Variants in RAP1A observed in about 807,000 individuals in gnomAD.
The protein encoded by RAP1A is RAP1A, member of RAS oncogene family.
Under a neutral mutation model 26.4 loss-of-function variants are expected in RAP1A, and 6 were observed. The ratio of observed to expected loss-of-function variants is 0.23; its 90% CI spans 0.12 to 0.45. RAP1A has a LOEUF of 0.45. RAP1A is among the 20% of genes least tolerant of loss of function. RAP1A has a pLI of 0.99. For missense variants in RAP1A, 121 were observed against 217.2 expected (o/e 0.56, Z 2.78); for synonymous variants, 73 against 79.4 (o/e 0.92, Z 0.43).
intron 1 of RAP1A, among the ~76,000 whole-genome samples, chr1:111,543,600 AAGGAGGAGGAGGAAGAGAAGGAGGAAT>A (rs1557843225): frequency 7.0e-6 from 1 of 142,388 alleles, no homozygotes; most frequent in Non-Finnish European, 1.5e-5. Context: ...CCTCTGTCTT[AAGGAGGAGGAGGAAGAGAAGGAGGAAT>A]AGGAGGAGGA....
rs150670953 is a variant in RAP1A at position 111,697,214 on chromosome 1, A to G, written c.127-227A>G. 1.2e-3 allele frequency among the ~76,000 whole-genome samples: 183 copies of G among 152,312 alleles called. 1 individual carries two copies. The highest frequency in any genetic ancestry group is 4.3e-3 in the African/African-American group (179 of 41,580). The stretch of plus-strand genomic sequence containing the variant: ...ATAAGAATCGTTACAGAGGTCAGAA[A>G]ATATCTAAACTCAGCATTAACCATC... On this transcript the variant is annotated intron_variant, in intron 3 of 7. Transcript: ENST00000369709.
At chr1:111,564,711 A>G (rs1358010612) in intron 1 of RAP1A, among the ~76,000 whole-genome samples, 2 of 151,234 alleles carry the variant, frequency 1.3e-5, no homozygotes, top group African/African-American at 4.9e-5. Context: ...ATGGGGTTTC[A>G]CCGAGTCAGC....
intron 1 of RAP1A, among the ~76,000 whole-genome samples, chr1:111,687,399 G>A (rs544912429): frequency 2.0e-5 from 3 of 151,994 alleles, no homozygotes; most frequent in South Asian, 4.2e-4. Context: ...GTAGAGATGG[G>A]ATTTTGCCAT....
chr1:111,630,693 T>C (rs1207448535), intron 1 of RAP1A, among the ~76,000 whole-genome samples: 1 of 151,994 alleles, frequency 6.6e-6, no homozygotes, highest in Non-Finnish European at 1.5e-5. Context: ...ATAAGAAGAA[T>C]GAACCAGGCA....
rs1243151126 is a variant in RAP1A at position 111,649,124 on chromosome 1, CAG to C, written c.-28+29192_-28+29193del. 1.4e-5 allele frequency: 8 copies of C among 586,962 alleles called. No individual in the cohort carries two copies. In the African/African-American group the frequency reaches 1.5e-4, roughly 11 times the overall value. 36.4% of individuals were successfully genotyped at this position (586,962 alleles called of 1,614,324 possible). On this transcript the variant is annotated intron_variant, in intron 1 of 7. Transcript: ENST00000369709. ...TAGCAAGATGGGCATTGTCAATCTG[CAG>C]AACGATGTGGGCATTGTCCACAGTA...
intron 1 of RAP1A, among the ~76,000 whole-genome samples, chr1:111,677,505 G>T (rs1341830645): frequency 6.6e-6 from 1 of 152,164 alleles, no homozygotes; most frequent in African/African-American, 2.4e-5. Flanking sequence ...CTTGGTTGGA[G>T]GGTTCTAGCT....
At chr1:111,542,085 C>CTT (rs35807618), upstream of RAP1A, 1,204 of 167,540 alleles carry the variant, frequency 7.2e-3, 16 homozygotes, top group African/African-American at 0.028. Flanking sequence ...TGCAAAGAAG[C>CTT]TTTTTTTTTT....
At chr1:111,643,290 G>C (rs1659951600) in intron 1 of RAP1A, among the ~76,000 whole-genome samples, 1 of 152,196 alleles carries the variant, frequency 6.6e-6, no homozygotes, top group South Asian at 2.1e-4. Context: ...CAGTGGCCCA[G>C]ATTTGGCCTG....
intron 1 of RAP1A, among the ~76,000 whole-genome samples, chr1:111,637,460 A>G (rs76755653): frequency 0.054 from 8,242 of 152,282 alleles, 256 homozygotes; most frequent in South Asian, 0.087. Flanking sequence ...TTTATGCACT[A>G]AAAGAATAAG....
chr1:111,549,603 T>C (rs1295135053), intron 1 of RAP1A, among the ~76,000 whole-genome samples: 1 of 150,172 alleles, frequency 6.7e-6, no homozygotes, highest in African/African-American at 2.5e-5. Flanking sequence ...TGAGCCGATA[T>C]CATGCCACTG....
chr1:111,564,512 CT>C lies in RAP1A; in HGVS notation c.-28+22021del, dbSNP rs577908974. Among the ~76,000 whole-genome samples, 1,521 of 119,878 alleles carry C rather than the reference CT, an allele frequency of 0.013. 72 individuals are homozygous for C. In the East Asian group the frequency reaches 0.2, roughly 16 times the overall value. 78.6% of individuals were successfully genotyped at this position (119,878 alleles called of 152,430 possible). A position where few individuals can be genotyped will look rare whatever the true frequency, so the allele number is the denominator to read the frequency against. On this transcript the variant is annotated intron_variant, in intron 1 of 7. Coordinates refer to the RAP1A transcript ENST00000356415. ...TGGGCAACAGAGTGAGACCCCAACT[CT>C]TTTTTTTTTTTTTTTTTGAGACGGA...
intron 6 of RAP1A, among the ~76,000 whole-genome samples, chr1:111,707,581 G>A (rs1265745930): frequency 1.3e-5 from 2 of 152,142 alleles, no homozygotes; most frequent in Admixed American, 6.5e-5. Context: ...TCTGTGTTTG[G>A]TATATATTCA....
At chr1:111,674,789 A>G (rs1442787979) in intron 1 of RAP1A, among the ~76,000 whole-genome samples, 1 of 152,068 alleles carries the variant, frequency 6.6e-6, no homozygotes, top group Non-Finnish European at 1.5e-5. Flanking sequence ...ATCCTCAGAA[A>G]AGCATTGCCC....
At chr1:111,705,720 G>A (rs568986307) in intron 6 of RAP1A, among the ~76,000 whole-genome samples, 1 of 152,266 alleles carries the variant, frequency 6.6e-6, no homozygotes, top group East Asian at 1.9e-4. Context: ...TCCTACTGGG[G>A]GAACAAGTCT....
At chr1:111,561,993 A>G (rs1255578879) in intron 1 of RAP1A, among the ~76,000 whole-genome samples, 2 of 152,156 alleles carry the variant, frequency 1.3e-5, no homozygotes, top group Non-Finnish European at 2.9e-5. Flanking sequence ...TGCTTACGAT[A>G]GAATTCAAAC....
intron 1 of RAP1A, among the ~76,000 whole-genome samples, chr1:111,582,550 A>T (rs1217356069): frequency 6.6e-6 from 1 of 152,144 alleles, no homozygotes; most frequent in South Asian, 2.1e-4. Flanking sequence ...CTTGACTGAG[A>T]CATTCATTTT....
At chr1:111,680,872 T>C (rs1661271448) in intron 1 of RAP1A, 1 of 152,138 alleles carries the variant, frequency 6.6e-6, no homozygotes, top group Non-Finnish European at 1.5e-5. Context: ...AGGAAGCCCA[T>C]GCAAAAACCT....
At chr1:111,587,757 C>G (rs899849585) in intron 1 of RAP1A, among the ~76,000 whole-genome samples, 1 of 152,154 alleles carries the variant, frequency 6.6e-6, no homozygotes, top group Non-Finnish European at 1.5e-5. Flanking sequence ...ACCATGCCAA[C>G]AAAATTGTTC....
rs996115649 is a variant in RAP1A at position 111,619,947 on chromosome 1, CG to C, written c.-28+17del. The C allele has an allele frequency of 5.5e-5, 21 of 379,346 alleles. No homozygotes were observed. The highest frequency in any genetic ancestry group is 3.3e-4 in the African/African-American group (15 of 45,884). 23.5% of individuals were successfully genotyped at this position (379,346 alleles called of 1,614,324 possible). On this transcript the variant is annotated intron_variant, in intron 1 of 7. Coordinates refer to ENST00000369709, the MANE Select transcript of RAP1A (RefSeq NM_002884.4). Reference sequence around the variant, plus strand: ...CCGGACCGGGGGGGTGAGTAAGGGGCGGGGAGCTCCAGACGGCCCCAGAGGG... The same window carrying C: ...CCGGACCGGGGGGGTGAGTAAGGGGCGGGAGCTCCAGACGGCCCCAGAGGG...
Sources: allele counts gnomAD v4.1 joint callset (sites outside exome capture counted in the v4.1 genomes callset), GRCh38; gene constraint gnomAD v4.1.1; transcripts MANE v1.5; gene names NCBI Gene and HGNC (gene_info 2026-07-23, HGNC 2026-07-21).